Variants in ZNF16 observed in about 807,000 individuals in gnomAD.
The protein encoded by ZNF16 is zinc finger protein KOX9.
A neutral mutation model predicts 9.0 loss-of-function variants in ZNF16; 7 were observed. That is an observed-to-expected ratio of 0.78 (90% CI 0.44 to 1.47). The LOEUF (loss-of-function observed/expected upper bound fraction) is 1.47, where lower values mean the gene tolerates loss of function less well. ZNF16 is among the 40% of genes most tolerant of loss of function. ZNF16 has a pLI of 0.01. For synonymous variants in ZNF16, 312 were observed against 301.5 expected (o/e 1.03, Z -0.36); for missense variants, 830 against 854.2 (o/e 0.97, Z 0.35).
chr8:144,932,582 T>C lies in ZNF16; in HGVS notation c.205A>G (p.Thr69Ala). Residue 69 changes from threonine to alanine, a missense_variant, in exon 3 of 3, where the codon ACC becomes GCC. Thr to Ala is a moderately conservative substitution (Grantham distance 58). Transcript: ENST00000394909. The surrounding 1 kb of genome is among the most constrained non-coding windows in gnomAD (Gnocchi z 5.0). ...CPHYQQPDCD[T>A]RTEDKEFLHK... ...AGAAACTCCTTGTCTTCAGTCCTGG[T>C]GTCACAATCTGAAACAATAAATAGA... is the stretch of plus-strand genomic sequence containing the variant. 1.9e-6 allele frequency: 3 copies of C among 1,611,756 alleles called. No individual in the cohort carries two copies. Among genetic ancestry groups the C allele is most frequent in the Non-Finnish European group, 2.5e-6 (3 of 1,178,922 alleles).
intron 2 of ZNF16, among the ~76,000 whole-genome samples, chr8:144,941,360 C>A (rs1276038164): frequency 6.6e-6 from 1 of 152,104 alleles, no homozygotes; most frequent in Non-Finnish European, 1.5e-5. Flanking sequence ...TATAGTCACC[C>A]CAACTCTCTT....
At chr8:144,947,036 T>C (rs1185667614) in intron 1 of ZNF16, among the ~76,000 whole-genome samples, 1 of 123,858 alleles carries the variant, frequency 8.1e-6, no homozygotes, top group Non-Finnish European at 1.6e-5. Context: ...TGGGCCTGTG[T>C]CCTGCTGTTG....
intron 2 of ZNF16, among the ~76,000 whole-genome samples, chr8:144,941,846 G>C (rs1329610231): frequency 6.6e-6 from 1 of 151,040 alleles, no homozygotes; most frequent in Non-Finnish European, 1.5e-5. Flanking sequence ...TTTTAGTAGA[G>C]ATGGGGTTTC....
At chr8:144,944,733 C>T (rs952965022) in intron 2 of ZNF16, 1 of 152,224 alleles carries the variant, frequency 6.6e-6, no homozygotes, top group Admixed American at 6.5e-5. Context: ...TGGTATCCCC[C>T]CTCCAGGCTT....
In ZNF16 at chr8:144,932,564, CCTT is replaced by C. The variant is rs1833583553; in HGVS notation, c.220_222del (p.Lys74del). 5.6e-6 allele frequency: 9 copies of C among 1,613,906 alleles called. No individual in the cohort carries two copies. The East Asian group carries it at 2.0e-4, about 36-fold the overall frequency. ...TGAATGTCTTCCTTGTGAAGAAACT[CCTT>C]GTCTTCAGTCCTGGTGTCACAATCT... On this transcript the variant is annotated inframe_deletion, in exon 3 of 3. Transcript: ENST00000394909. The surrounding 1 kb of genome is among the most constrained non-coding windows in gnomAD (Gnocchi z 5.0).
intron 2 of ZNF16, among the ~76,000 whole-genome samples, chr8:144,939,182 T>C (rs1369383753): frequency 6.6e-6 from 1 of 152,216 alleles, no homozygotes; most frequent in Non-Finnish European, 1.5e-5. Flanking sequence ...TTTTCTTTTC[T>C]TGTCTTCAAG....
At position 144,941,988 on chromosome 8, in the gene ZNF16, T is replaced by G. The variant is rs1325167129; in HGVS notation, c.196+4023A>C. On this transcript the variant is annotated intron_variant, in intron 2 of 2. Coordinates refer to ENST00000394909, the MANE Select transcript of ZNF16 (RefSeq NM_006958.3). ...GTCCATTTTTAAGATTTTTTTTTTTTTTTTTTTGAGAGGGAGTCTCGCTCT... is the reference window on the plus strand; with the variant it reads ...GTCCATTTTTAAGATTTTTTTTTTTGTTTTTTTGAGAGGGAGTCTCGCTCT... 2.0e-5 allele frequency among the ~76,000 whole-genome samples: 3 copies of G among 148,666 alleles called. No individual in the cohort carries two copies. In the East Asian group the frequency reaches 5.9e-4, roughly 29 times the overall value.
intron 1 of ZNF16, 127 bp from the exon 2 acceptor site, chr8:144,946,342 AGGTC>A (rs1833927347): frequency 6.2e-5 from 55 of 886,956 alleles, no homozygotes; most frequent in Non-Finnish European, 8.4e-5. Context: ...TGGTGCTGCC[AGGTC>A]TCAGGGGCTG....
At chr8:144,947,698 T>A (rs1457091827) in intron 1 of ZNF16, among the ~76,000 whole-genome samples, 1 of 152,222 alleles carries the variant, frequency 6.6e-6, no homozygotes, top group Non-Finnish European at 1.5e-5. Flanking sequence ...GGCACCCCAG[T>A]GTGCACTTCT....
At position 144,946,975 on chromosome 8, in the gene ZNF16, C is replaced by G. The variant is rs1430794111; in HGVS notation, c.-9-760G>C. 5.1e-5 allele frequency among the ~76,000 whole-genome samples: 5 copies of G among 98,612 alleles called. No individual in the cohort carries two copies. The East Asian group carries it at 1.0e-3, about 20-fold the overall frequency. The allele number at this position is 98,612 out of a possible 152,430, so 64.7% of individuals were successfully genotyped here. On this transcript the variant is annotated intron_variant, in intron 1 of 2. Coordinates refer to ENST00000394909, the MANE Select transcript of ZNF16 (RefSeq NM_006958.3). ...CTGTGGGCCTGTGTCCTGCTGTGGG[C>G]CTGTGTCCTGCTGTGGGGCTGTGTC...
intron 2 of ZNF16, among the ~76,000 whole-genome samples, chr8:144,936,642 T>C (rs1833688021): frequency 6.6e-6 from 1 of 152,234 alleles, no homozygotes; most frequent in Non-Finnish European, 1.5e-5. Flanking sequence ...CTAATGATGT[T>C]AAGCATCTTT....
chr8:144,946,612 T>G (rs796805074), intron 1 of ZNF16, among the ~76,000 whole-genome samples: 1 of 86,162 alleles, frequency 1.2e-5, no homozygotes. Flanking sequence ...GCTGTTGGGC[T>G]TGTGTCCTGC....
At position 144,943,078 on chromosome 8, in the gene ZNF16, A is replaced by G. The variant is rs75944295; in HGVS notation, c.196+2933T>C. On this transcript the variant is annotated intron_variant, in intron 2 of 2. Transcript: ENST00000394909. ...GCTTTTATCTACCTGGATATGTTTT[A>G]ATTTCTCCTTCATTTTGAAGAATAA... is the stretch of plus-strand genomic sequence containing the variant. Among the ~76,000 whole-genome samples the G allele has an allele frequency of 4.1e-3, 624 of 152,282 alleles. 5 individuals carry two copies. The highest frequency in any genetic ancestry group is 0.03 in the South Asian group (146 of 4,826).
rs779073259 is a variant in ZNF16, at chr8:144,932,269, TC to T, written c.517del (p.Glu173LysfsTer24). On this transcript the variant is annotated frameshift_variant, in exon 3 of 3. Transcript: ENST00000394909. LOFTEE classifies it low-confidence loss of function (END_TRUNC). The surrounding 1 kb of genome is among the most constrained non-coding windows in gnomAD (Gnocchi z 5.0). ...ATGTGGCCTCTCTTCTGTAGGGATT[TC>T]CTGACATGCCATCAGGTTTGGGCTC... ...SLSPNLMACQEIPTEERPHPY... is the reference protein window; with the variant it reads ...SLSPNLMACQXIPTEERPHPY... 16 of 1,614,206 alleles carry T rather than the reference TC, an allele frequency of 9.9e-6. No homozygotes were observed. Among genetic ancestry groups the T allele is most frequent in the Non-Finnish European group, 1.4e-5 (16 of 1,180,040 alleles).
At chr8:144,949,910 A>G (rs113275525) in intron 1 of ZNF16, among the ~76,000 whole-genome samples, 3,961 of 152,266 alleles carry the variant, frequency 0.026, 72 homozygotes, top group Middle Eastern at 0.041. Context: ...GGTAAAAGAG[A>G]AAAGCCTCTT....
intron 1 of ZNF16, among the ~76,000 whole-genome samples, chr8:144,950,136 C>G (rs189144181): frequency 6.9e-4 from 105 of 152,178 alleles, no homozygotes; most frequent in East Asian, 1.2e-3. Flanking sequence ...ACGTGCCCAT[C>G]CAGGCATAGT....
Position 144,931,384 on chromosome 8 carries a change from T to C in ZNF16, c.1403A>G (p.Lys468Arg). 1 of 1,614,198 alleles carries C rather than the reference T, an allele frequency of 6.2e-7. No homozygotes were observed. Among genetic ancestry groups the C allele is most frequent in the Non-Finnish European group, 8.5e-7 (1 of 1,180,038 alleles). ...GAGCACTGAGCTATAACTAAAGGCT[T>C]TTCCACATACATTACACACGTGAGG... ...EKPHVCNVCG[K>R]AFSYSSVLRK... The change falls in exon 3 of 3, where the codon AAA becomes AGA. Residue 468 changes from lysine to arginine, a missense_variant. By Grantham distance (26) the Lys-to-Arg change is conservative. Coordinates refer to ENST00000394909, the MANE Select transcript of ZNF16 (RefSeq NM_006958.3).
At chr8:144,937,143 C>CTTTTTTT (rs58306145) in intron 2 of ZNF16, among the ~76,000 whole-genome samples, 6 of 110,966 alleles carry the variant, frequency 5.4e-5, no homozygotes, top group African/African-American at 7.2e-5. Context: ...CTTTCTCTCT[C>CTTTTTTT]TTTTTTTTTT....
Position 144,933,604 on chromosome 8 carries a change from C to T in ZNF16, c.197-1014G>A, listed in dbSNP as rs948087806. ...CCTGGATGCTGAGCAGCTTCCCTGG[C>T]CCCCAACCTCCCCTCCTGCCCACAG... On this transcript the variant is annotated intron_variant, in intron 2 of 2. Coordinates refer to ENST00000394909, the MANE Select transcript of ZNF16 (RefSeq NM_006958.3). This position sits in a 1 kb window ranked among gnomAD's most constrained non-coding sequence, Gnocchi z 5.6. 1.3e-5 allele frequency among the ~76,000 whole-genome samples: 2 copies of T among 152,120 alleles called. No homozygotes were observed. Among genetic ancestry groups the T allele is most frequent in the Non-Finnish European group, 2.9e-5 (2 of 68,004 alleles).
Sources: allele counts gnomAD v4.1 joint callset (sites outside exome capture counted in the v4.1 genomes callset), GRCh38; gene constraint gnomAD v4.1.1; non-coding constraint Gnocchi (gnomAD v3.1); transcripts MANE v1.5; gene names NCBI Gene and HGNC (gene_info 2026-07-23, HGNC 2026-07-21).